PHLPP1: variants seen among roughly 807,000 people sequenced by gnomAD.
The protein encoded by PHLPP1 is PH domain and leucine rich repeat protein phosphatase 1, also known as PH domain leucine-rich repeat-containing protein phosphatase 1.
A neutral mutation model predicts 117.2 loss-of-function variants in PHLPP1; 42 were observed. The observed-to-expected ratio is 0.36, with a 90% CI of 0.28 to 0.46. The LOEUF is 0.46. PHLPP1 is among the 20% of genes least tolerant of loss of function. The probability of loss-of-function intolerance (pLI) is 1.00; values close to 1 mark genes in which losing one functional copy is unlikely to be tolerated. For synonymous variants in PHLPP1, 1,042 were observed against 970.7 expected (o/e 1.07, Z -1.37); for missense variants, 2,084 against 2,241.9 (o/e 0.93, Z 1.42).
intron 4 of PHLPP1, among the ~76,000 whole-genome samples, chr18:62,874,952 A>G (rs1175997675): frequency 2.0e-5 from 3 of 152,056 alleles, no homozygotes; most frequent in Admixed American, 6.6e-5. Context: ...TATTATGATT[A>G]TGATTATGAT....
chr18:62,979,460 A>C lies in PHLPP1; in HGVS notation c.*29A>C, dbSNP rs1220639783. 6.5e-7 allele frequency: 1 copy of C among 1,542,662 alleles called. No homozygotes were observed. The highest frequency in any genetic ancestry group is 8.8e-7 in the Non-Finnish European group (1 of 1,141,746). ...AGCCGAGCTGTTTAACAAATAAACT[A>C]ACCACAAAAGACTGAGTTGCAAGAG... On this transcript the variant is annotated 3_prime_UTR_variant, in exon 17 of 17. Coordinates refer to ENST00000262719, the MANE Select transcript of PHLPP1 (RefSeq NM_194449.4).
chr18:62,922,262 A>G (rs1366735286), intron 10 of PHLPP1, among the ~76,000 whole-genome samples: 10 of 152,096 alleles, frequency 6.6e-5, no homozygotes, highest in Middle Eastern at 3.2e-3. Flanking sequence ...TCAGCCTCCC[A>G]AATAGCCGGG....
chr18:62,812,572 G>A (rs758104301), intron 1 of PHLPP1, among the ~76,000 whole-genome samples: 22 of 152,328 alleles, frequency 1.4e-4, no homozygotes, highest in Non-Finnish European at 2.5e-4. Flanking sequence ...TCATGACAGA[G>A]TGTAATTGGT....
chr18:62,918,421 A>T (rs1277292411), intron 9 of PHLPP1, among the ~76,000 whole-genome samples: 3 of 90,946 alleles, frequency 3.3e-5, no homozygotes, highest in Non-Finnish European at 7.3e-5. Flanking sequence ...TTTATGTGGT[A>T]AAGGATAAAT....
chr18:62,941,449 A>G (rs1910127658), intron 10 of PHLPP1, among the ~76,000 whole-genome samples: 2 of 152,046 alleles, frequency 1.3e-5, no homozygotes, highest in Non-Finnish European at 2.9e-5. Flanking sequence ...CCCGCCAACT[A>G]TAAAAATAAT....
At chr18:62,972,780 A>G in intron 15 of PHLPP1, 72 bp downstream of exon 15, 1 of 1,178,254 alleles carries the variant, frequency 8.5e-7, no homozygotes, top group South Asian at 1.5e-5. Context: ...CTGTTTAGAA[A>G]AGCAGGTGCC....
chr18:62,899,551 G>C (rs190436222), intron 6 of PHLPP1, among the ~76,000 whole-genome samples: 2 of 151,912 alleles, frequency 1.3e-5, no homozygotes, highest in East Asian at 3.9e-4. Flanking sequence ...TACATCATTC[G>C]TGGCACTTAC....
chr18:62,742,887 C>T (rs1911572185), intron 1 of PHLPP1, among the ~76,000 whole-genome samples: 1 of 152,146 alleles, frequency 6.6e-6, no homozygotes, highest in Non-Finnish European at 1.5e-5. Context: ...GTAACTCACC[C>T]CCAATGATAA....
At chr18:62,793,605 G>A (rs1443240890) in intron 1 of PHLPP1, among the ~76,000 whole-genome samples, 2 of 152,182 alleles carry the variant, frequency 1.3e-5, no homozygotes, top group Admixed American at 6.5e-5. Context: ...CAGTTATTGA[G>A]TGCTTGCTAT....
chr18:62,814,296 T>C (rs1014512724), intron 1 of PHLPP1, among the ~76,000 whole-genome samples: 1 of 152,332 alleles, frequency 6.6e-6, no homozygotes, highest in South Asian at 2.1e-4. Flanking sequence ...TTCCATTAGC[T>C]AAAAAGCAGT....
chr18:62,817,437 A>G (rs1914316148), intron 1 of PHLPP1, among the ~76,000 whole-genome samples: 1 of 152,226 alleles, frequency 6.6e-6, no homozygotes, highest in Non-Finnish European at 1.5e-5. Context: ...ATACACACAC[A>G]TACATACACA....
intron 1 of PHLPP1, among the ~76,000 whole-genome samples, chr18:62,754,628 C>T (rs1319869799): frequency 6.6e-6 from 1 of 152,184 alleles, no homozygotes. Flanking sequence ...TAGGCCTCTC[C>T]AGACCCCTGA....
At chr18:62,894,676 T>C (rs771169500) in intron 4 of PHLPP1, among the ~76,000 whole-genome samples, 1 of 152,232 alleles carries the variant, frequency 6.6e-6, no homozygotes, top group Non-Finnish European at 1.5e-5. Context: ...GTCCCTTTCC[T>C]CCTTCACTGG....
At chr18:62,965,433 A>G (rs1212335332) in intron 14 of PHLPP1, among the ~76,000 whole-genome samples, 1 of 148,198 alleles carries the variant, frequency 6.7e-6, no homozygotes, top group Non-Finnish European at 1.5e-5. Context: ...AGAGGGAGCT[A>G]CAGTTGGATA....
At chr18:62,866,138 G>A (rs1046369145) in intron 4 of PHLPP1, among the ~76,000 whole-genome samples, 1 of 152,146 alleles carries the variant, frequency 6.6e-6, no homozygotes, top group African/African-American at 2.4e-5. Context: ...TTAGGGAGAC[G>A]GGGGATGGGG....
At chr18:62,736,122 C>G (rs1911362348) in intron 1 of PHLPP1, among the ~76,000 whole-genome samples, 1 of 152,110 alleles carries the variant, frequency 6.6e-6, no homozygotes. Flanking sequence ...CTCTGCTTGT[C>G]CATTCCTGAT....
intron 8 of PHLPP1, among the ~76,000 whole-genome samples, chr18:62,905,881 T>G (rs1916837293): frequency 6.6e-6 from 1 of 152,222 alleles, no homozygotes; most frequent in African/African-American, 2.4e-5. Flanking sequence ...TTTATTGCGG[T>G]TCCCACAAAT....
intron 1 of PHLPP1, among the ~76,000 whole-genome samples, chr18:62,813,144 G>T (rs1568125322): frequency 6.6e-6 from 1 of 152,148 alleles, no homozygotes; most frequent in Non-Finnish European, 1.5e-5. Context: ...AATAGTGGGA[G>T]GCTGCCCCAA....
At chr18:62,775,721 CTG>C (rs1478767278) in intron 1 of PHLPP1, among the ~76,000 whole-genome samples, 1 of 152,142 alleles carries the variant, frequency 6.6e-6, no homozygotes, top group Non-Finnish European at 1.5e-5. Context: ...ATACAGTAAA[CTG>C]TCATTTGAAG....
Sources: allele counts gnomAD v4.1 joint callset (sites outside exome capture counted in the v4.1 genomes callset), GRCh38; gene constraint gnomAD v4.1.1; transcripts MANE v1.5; gene names NCBI Gene and HGNC (gene_info 2026-07-23, HGNC 2026-07-21).